The following USP7 variants were observed in gnomAD, a reference collection of about 807,000 sequenced individuals.
The protein encoded by USP7 is ubiquitin specific peptidase 7.
Under a neutral mutation model 162.9 loss-of-function variants are expected in USP7, and 9 were observed. The ratio of observed to expected loss-of-function variants is 0.06; its 90% CI spans 0.03 to 0.10. The LOEUF (loss-of-function observed/expected upper bound fraction) is 0.10. USP7 is among the 10% of genes least tolerant of loss of function. The pLI, the probability that USP7 is intolerant of heterozygous loss-of-function variation, is 1.00. For missense variants in USP7, 715 were observed against 1,373.7 expected (o/e 0.52, Z 7.58); for synonymous variants, 562 against 475.9 (o/e 1.18, Z -2.35).
intron 2 of USP7, among the ~76,000 whole-genome samples, chr16:8,928,503 A>AT (rs1470905892): frequency 1.3e-5 from 2 of 152,212 alleles, no homozygotes; most frequent in Admixed American, 1.3e-4. Context: ...AATCCTGTGC[A>AT]TTTTTCACAA....
At chr16:8,953,341 C>T (rs9924441) in intron 1 of USP7, among the ~76,000 whole-genome samples, 44,372 of 151,956 alleles carry the variant, frequency 0.29, 7,226 homozygotes, top group African/African-American at 0.43. Flanking sequence ...CAGCCAGACC[C>T]GTTCCTGCCA....
intron 1 of USP7, among the ~76,000 whole-genome samples, chr16:8,956,027 A>C (rs993801205): frequency 6.6e-6 from 1 of 152,176 alleles, no homozygotes; most frequent in Non-Finnish European, 1.5e-5. Flanking sequence ...AATACAAGTC[A>C]CACTACCAAA....
intron 13 of USP7, among the ~76,000 whole-genome samples, chr16:8,906,069 G>C (rs1407154829): frequency 6.6e-6 from 1 of 152,216 alleles, no homozygotes; most frequent in African/African-American, 2.4e-5. Flanking sequence ...AAACAAGGTA[G>C]GACCAGGGGG....
rs189371975 is a variant in USP7 at position 8,941,720 on chromosome 16, A to G, written c.80-11323T>C. ...TGAGGGGACGGGCAGAGCCAGGATC[A>G]GCTGTGTTGGGTGGTGCGTGCTGTG... On this transcript the variant is annotated intron_variant, in intron 1 of 30. Coordinates refer to ENST00000344836, the MANE Select transcript of USP7 (RefSeq NM_003470.3). Among the ~76,000 whole-genome samples, 597 of 152,296 alleles carry G rather than the reference A, an allele frequency of 3.9e-3. 3 individuals are homozygous for G. The highest frequency in any genetic ancestry group is 4.1e-3 in the Non-Finnish European group (276 of 68,010).
intron 1 of USP7, among the ~76,000 whole-genome samples, chr16:8,933,209 G>A (rs558338811): frequency 1.3e-5 from 2 of 152,186 alleles, no homozygotes; most frequent in East Asian, 3.9e-4. Context: ...CAAAGTGCTG[G>A]GATCACTCAT....
chr16:8,899,176 C>T lies in USP7; in HGVS notation c.2476G>A (p.Val826Ile). 1 of 1,614,164 alleles carries T rather than the reference C, an allele frequency of 6.2e-7. No individual in the cohort carries two copies. The stretch of plus-strand genomic sequence containing the variant: ...GGATCTGTGTTGAGCCTCTGTGCAA[C>T]TGTCTTTGCAACCTAAGACACAGAA... ...RMNYFQVAKT[V>I]AQRLNTDPML... The change falls in exon 23 of 31, where the codon GTT becomes ATT. Residue 826 changes from valine to isoleucine, a missense_variant. Physicochemically the swap from Val to Ile is conservative, Grantham distance 29 (BLOSUM62 3). Coordinates refer to ENST00000344836, the MANE Select transcript of USP7 (RefSeq NM_003470.3).
chr16:8,944,416 T>G (rs1899188471), intron 1 of USP7, among the ~76,000 whole-genome samples: 1 of 152,116 alleles, frequency 6.6e-6, no homozygotes, highest in Admixed American at 6.5e-5. Context: ...AGTAGCAGCT[T>G]CCTCTCTTAA....
intron 1 of USP7, among the ~76,000 whole-genome samples, chr16:8,935,209 T>TTG (rs1898627283): frequency 6.6e-6 from 1 of 151,426 alleles, no homozygotes; most frequent in Non-Finnish European, 1.5e-5. Flanking sequence ...TAATTTTTTT[T>TTG]TTTTTTTTTT....
intron 26 of USP7, among the ~76,000 whole-genome samples, chr16:8,896,067 C>T (rs1274456244): frequency 6.6e-6 from 1 of 151,576 alleles, no homozygotes; most frequent in Non-Finnish European, 1.5e-5. Context: ...TCTCGAACTC[C>T]TGACCTCGTG....
At chr16:8,955,053 G>C (rs896290249) in intron 1 of USP7, among the ~76,000 whole-genome samples, 2 of 152,220 alleles carry the variant, frequency 1.3e-5, no homozygotes, top group Non-Finnish European at 2.9e-5. Flanking sequence ...AGTGGTGTGT[G>C]GACCAGTCAC....
chr16:8,896,391 G>T (rs903990914), intron 26 of USP7, among the ~76,000 whole-genome samples: 6 of 152,040 alleles, frequency 3.9e-5, no homozygotes, highest in African/African-American at 1.5e-4. Context: ...ATAGATTAGG[G>T]TCTCACTGTT....
chr16:8,903,311 T>C lies in USP7; in HGVS notation c.1796A>G (p.Asn599Ser), dbSNP rs1322444938. Residue 599 changes from asparagine to serine, a missense_variant, in exon 16 of 31, where the codon AAC becomes AGC. By Grantham distance (46) the Asn-to-Ser change is conservative. Around this residue, in one of 11 missense-constraint regions of USP7, gnomAD observed 197 missense variants for 306.5 expected, o/e 0.64. Coordinates refer to ENST00000344836, the MANE Select transcript of USP7 (RefSeq NM_003470.3). Reference protein sequence around the residue: ...VKYTVFKVLKNSSLAEFVQSL... With the variant: ...VKYTVFKVLKSSSLAEFVQSL... ...CTGAACAAACTCAGCAAGCGAGGAGTTCTTCAATACTTTGAACACAGTGTA... is the reference window on the plus strand; with the variant it reads ...CTGAACAAACTCAGCAAGCGAGGAGCTCTTCAATACTTTGAACACAGTGTA... The C allele has an allele frequency of 1.2e-6, 2 of 1,613,296 alleles. No homozygotes were observed. The highest frequency in any genetic ancestry group is 1.7e-5 in the Admixed American group (1 of 59,942).
At chr16:8,963,108 T>C (rs1900087821) in intron 1 of USP7, 99 bp downstream of exon 1, 1 of 1,099,340 alleles carries the variant, frequency 9.1e-7, no homozygotes, top group Non-Finnish European at 1.1e-6. Flanking sequence ...GCCCGGGGCC[T>C]GGTTAAAGAT....
chr16:8,923,097 G>A (rs986994367), intron 3 of USP7, 118 bp downstream of exon 3: 6 of 503,216 alleles, frequency 1.2e-5, no homozygotes, highest in Non-Finnish European at 1.9e-5. Flanking sequence ...GTTTTAAAGA[G>A]AAACACGTAT....
chr16:8,899,086 T>C lies in USP7; in HGVS notation c.2531+35A>G. The C allele has an allele frequency of 3.7e-6, 6 of 1,609,122 alleles. No homozygotes were observed. The South Asian group carries it at 5.5e-5, about 15-fold the overall frequency. ...TCAATGAACTGTGGAAAGCATGCAG[T>C]CAAGACCAAGCAAGTGTCCACACAT... On this transcript the variant is annotated intron_variant, in intron 23 of 30. Coordinates refer to ENST00000344836, the MANE Select transcript of USP7 (RefSeq NM_003470.3).
chr16:8,904,344 C>A, intron 15 of USP7, 91 bp downstream of exon 15: 1 of 1,557,824 alleles, frequency 6.4e-7, no homozygotes, highest in South Asian at 1.2e-5. Flanking sequence ...ACCTGGGAGT[C>A]CCAGAGGGGT....
rs759903106 is a variant in USP7, at chr16:8,963,274, C to CTGG, written c.9_11dup (p.His3dup). ...CCGCTTTCTGCTGCTGCTGCTGCTG[C>CTGG]TGGTGGTTCATGTCGGCCGCGGCCT... is the stretch of plus-strand genomic sequence containing the variant. On this transcript the variant is annotated inframe_insertion, in exon 1 of 31. Coordinates refer to ENST00000344836, the MANE Select transcript of USP7 (RefSeq NM_003470.3). The CTGG allele has an allele frequency of 7.2e-6, 9 of 1,247,982 alleles. No individual in the cohort carries two copies. In the East Asian group the frequency reaches 2.1e-4, roughly 29 times the overall value. 77.3% of individuals were successfully genotyped at this position (1,247,982 alleles called of 1,614,324 possible). A position where few individuals can be genotyped will look rare whatever the true frequency, so the allele number is the denominator to read the frequency against.
intron 1 of USP7, among the ~76,000 whole-genome samples, chr16:8,941,460 C>G (rs1156956926): frequency 6.6e-6 from 1 of 152,198 alleles, no homozygotes; most frequent in Non-Finnish European, 1.5e-5. Flanking sequence ...GGTAAAGGCA[C>G]GTATCTCCAG....
chr16:8,920,875 T>C (rs931985372), intron 4 of USP7, among the ~76,000 whole-genome samples: 4 of 152,208 alleles, frequency 2.6e-5, no homozygotes, highest in Admixed American at 2.6e-4. Flanking sequence ...GTACTATGCC[T>C]GAATCATGAA....
Sources: allele counts gnomAD v4.1 joint callset (sites outside exome capture counted in the v4.1 genomes callset), GRCh38; gene constraint gnomAD v4.1.1; regional missense constraint gnomAD v4.1.1; transcripts MANE v1.5; gene names NCBI Gene and HGNC (gene_info 2026-07-23, HGNC 2026-07-21).